The following PCDHGA5 variants were observed in gnomAD, a reference collection of about 807,000 sequenced individuals.
PCDHGA5 encodes protocadherin gamma subfamily A, 5, also known as protocadherin gamma-A5.
Under a neutral mutation model 56.7 loss-of-function variants are expected in PCDHGA5, and 36 were observed. The observed-to-expected ratio is 0.64, with a 90% CI of 0.49 to 0.84. PCDHGA5 has a LOEUF of 0.84. PCDHGA5 is among the 40% of genes least tolerant of loss of function. The pLI, the probability that PCDHGA5 is intolerant of heterozygous loss-of-function variation, is 0.00. For missense variants in PCDHGA5, 1,305 were observed against 1,201.5 expected (o/e 1.09, Z -1.27); for synonymous variants, 563 against 520.2 (o/e 1.08, Z -1.12).
At position 141,511,238 on chromosome 5, in the gene PCDHGA5, G is replaced by A; in HGVS notation, c.*65G>A. ...CAACCAGCCCAGCTTCTCCTTACCT[G>A]CACCCAGGCCTCAGAGTTTCAGGGC... On this transcript the variant is annotated 3_prime_UTR_variant, in exon 4 of 4. Coordinates refer to ENST00000518069, the MANE Select transcript of PCDHGA5 (RefSeq NM_018918.3). 6.3e-7 allele frequency: 1 copy of A among 1,589,142 alleles called. No homozygotes were observed. The highest frequency in any genetic ancestry group is 2.3e-5 in the East Asian group (1 of 43,302).
intron 2 of PCDHGA5, among the ~76,000 whole-genome samples, chr5:141,504,288 G>GT (rs1175142876): frequency 6.6e-6 from 1 of 152,124 alleles, no homozygotes; most frequent in African/African-American, 2.4e-5. Context: ...ATCATTTCAT[G>GT]TTTTTTCAAC....
chr5:141,439,066 G>A (rs1004595196), intron 1 of PCDHGA5, among the ~76,000 whole-genome samples: 2 of 151,258 alleles, frequency 1.3e-5, no homozygotes, highest in African/African-American at 2.4e-5. Context: ...TGTGGCAGGC[G>A]CCTGTAATCC....
At chr5:141,420,046 A>G (rs772981030) in intron 1 of PCDHGA5, 6 of 1,614,048 alleles carry the variant, frequency 3.7e-6, no homozygotes, top group South Asian at 1.1e-5. Context: ...GCTTTGAGTC[A>G]GTTCTCTGCT....
At chr5:141,478,733 T>C (rs1562072874) in intron 1 of PCDHGA5, 8 of 1,537,128 alleles carry the variant, frequency 5.2e-6, no homozygotes, top group Non-Finnish European at 7.0e-6. Context: ...AGAGTGTGGT[T>C]TGTGGTCCCA....
chr5:141,494,677 TGCCCCCTCTTA>T, intron 1 of PCDHGA5, 119 bp from the exon 2 acceptor site: 5 of 1,552,906 alleles, frequency 3.2e-6, no homozygotes, highest in Non-Finnish European at 4.4e-6. Flanking sequence ...AGTCCACCCC[TGCCCCCTCTTA>T]GTCCGTTTTC....
chr5:141,384,934 G>C lies in PCDHGA5; in HGVS notation c.2421+18183G>C, dbSNP rs750109041. Reference sequence around the variant, plus strand: ...AGTCTTGGCCGACCTGGGCAGCCTTGAGCCCTCCGACGGTCCTTACAACTA... The same window carrying C: ...AGTCTTGGCCGACCTGGGCAGCCTTCAGCCCTCCGACGGTCCTTACAACTA... On this transcript the variant is annotated intron_variant, in intron 1 of 3. Coordinates refer to ENST00000518069, the MANE Select transcript of PCDHGA5 (RefSeq NM_018918.3). 2.9e-5 allele frequency: 47 copies of C among 1,614,050 alleles called. No homozygotes were observed. In the East Asian group the frequency reaches 1.0e-3, roughly 34 times the overall value.
chr5:141,498,531 G>A (rs1384404653), intron 2 of PCDHGA5, among the ~76,000 whole-genome samples: 3 of 148,544 alleles, frequency 2.0e-5, no homozygotes, highest in Non-Finnish European at 4.4e-5. Context: ...CTGCCCTCCA[G>A]CCTGGTCTGG....
At chr5:141,425,640 C>G (rs2096886863) in intron 1 of PCDHGA5, among the ~76,000 whole-genome samples, 1 of 152,206 alleles carries the variant, frequency 6.6e-6, no homozygotes, top group Non-Finnish European at 1.5e-5. Flanking sequence ...TCTGATAAAA[C>G]TAGGAGGAAA....
intron 1 of PCDHGA5, among the ~76,000 whole-genome samples, chr5:141,443,505 A>G (rs553893860): frequency 4.4e-4 from 67 of 152,222 alleles, no homozygotes; most frequent in African/African-American, 1.4e-3. Context: ...AAACAAATAA[A>G]GAGCTTCTCT....
intron 1 of PCDHGA5, among the ~76,000 whole-genome samples, chr5:141,474,187 T>A (rs2099345004): frequency 6.6e-6 from 1 of 152,210 alleles, no homozygotes; most frequent in South Asian, 2.1e-4. Context: ...ACTACTTACA[T>A]TTTTAAAAGC....
intron 1 of PCDHGA5, among the ~76,000 whole-genome samples, chr5:141,454,796 A>ATTTTTTTTTTTTTTTTTTTTTTTTTTT (rs61612330): frequency 3.9e-5 from 3 of 77,408 alleles, no homozygotes; most frequent in Admixed American, 1.8e-4. Flanking sequence ...CATGGTTCTA[A>ATTTTTTTTTTTTTTTTTTTTTTTTTTT]TTTTTTTTTT....
chr5:141,418,781 G>C, intron 1 of PCDHGA5: 1 of 1,613,716 alleles, frequency 6.2e-7, no homozygotes, highest in African/African-American at 1.3e-5. Context: ...GCAGCCTTTG[G>C]ATTTTGAAGA....
At chr5:141,419,049 C>T in intron 1 of PCDHGA5, 6 of 1,613,954 alleles carry the variant, frequency 3.7e-6, no homozygotes, top group Non-Finnish European at 5.1e-6. Flanking sequence ...ATTCATTCTT[C>T]TTCTAATAAT....
At chr5:141,385,135 G>T (rs948872903) in intron 1 of PCDHGA5, 7 of 1,614,214 alleles carry the variant, frequency 4.3e-6, no homozygotes, top group African/African-American at 2.7e-5. Context: ...CATGGACGGG[G>T]TGCAGGCTTT....
At chr5:141,370,736 A>C (rs1444909580) in intron 1 of PCDHGA5, 1 of 1,613,780 alleles carries the variant, frequency 6.2e-7, no homozygotes, top group Non-Finnish European at 8.5e-7. Flanking sequence ...AAAAGCCTTT[A>C]AACTTTTTTC....
chr5:141,504,351 G>A (rs77439649), intron 2 of PCDHGA5, among the ~76,000 whole-genome samples: 2 of 152,010 alleles, frequency 1.3e-5, no homozygotes, highest in African/African-American at 4.8e-5. Context: ...CTTTGTGCTA[G>A]GTGCTTCAGT....
At position 141,432,117 on chromosome 5, in the gene PCDHGA5, C is replaced by G. The variant is rs761106133; in HGVS notation, c.2422-62690C>G. The G allele has an allele frequency of 6.2e-7, 1 of 1,614,062 alleles. No homozygotes were observed. The highest frequency in any genetic ancestry group is 8.5e-7 in the Non-Finnish European group (1 of 1,180,048). ...ACCAACGACAACCCGCCGGTCTTCC[C>G]TCAGGCCTCCTATTCCGCTTATATC... is the stretch of plus-strand genomic sequence containing the variant. On this transcript the variant is annotated intron_variant, in intron 1 of 3. Transcript: ENST00000518069. The surrounding 1 kb of genome is among the most constrained non-coding windows in gnomAD (Gnocchi z 6.0).
chr5:141,375,192 A>G, intron 1 of PCDHGA5: 3 of 1,613,952 alleles, frequency 1.9e-6, no homozygotes, highest in South Asian at 2.2e-5. Context: ...GCCCTTTTTC[A>G]AGTGTTCGAT....
Position 141,468,058 on chromosome 5 carries a change from C to T in PCDHGA5, c.2422-26749C>T, listed in dbSNP as rs993225792. ...TAGAAAACTAAGCCGGGCACAGTGG[C>T]TCACACCTGTAATCCCAGCACTTTG... On this transcript the variant is annotated intron_variant, in intron 1 of 3. Transcript: ENST00000518069. 1.1e-4 allele frequency among the ~76,000 whole-genome samples: 16 copies of T among 152,140 alleles called. 2 individuals carry two copies. The highest frequency in any genetic ancestry group is 5.2e-4 in the Admixed American group (8 of 15,276).
Sources: gnomAD v4.1 joint callset for allele counts (sites outside exome capture counted in the v4.1 genomes callset) on GRCh38, gnomAD v4.1.1 for gene constraint, Gnocchi (gnomAD v3.1) non-coding constraint, MANE v1.5 for transcripts, NCBI Gene and HGNC (gene_info 2026-07-23, HGNC 2026-07-21) for gene names.